Variants in NR2F1-AS1 observed in about 807,000 individuals in gnomAD.
NR2F1-AS1 encodes the protein NR2F1 antisense RNA 1.
At chr5:93,455,933 T>C (rs1442041668) in intron 4 of NR2F1-AS1, among the ~76,000 whole-genome samples, 4 of 151,404 alleles carry the variant, frequency 2.6e-5, no homozygotes, top group South Asian at 2.1e-4. Flanking sequence ...CTGAACAAAC[T>C]AGGAATATAA....
intron 4 of NR2F1-AS1, among the ~76,000 whole-genome samples, chr5:93,525,440 T>C (rs1213528163): frequency 6.6e-6 from 1 of 152,168 alleles, no homozygotes; most frequent in Non-Finnish European, 1.5e-5. Context: ...CTGTCAATAT[T>C]AGACGGATCA....
intron 4 of NR2F1-AS1, among the ~76,000 whole-genome samples, chr5:93,442,792 G>C (rs1478584691): frequency 1.3e-5 from 2 of 152,232 alleles, no homozygotes; most frequent in Non-Finnish European, 2.9e-5. Context: ...ACACCTCCCA[G>C]TAGGGGCCGA....
rs369211498 is a variant in NR2F1-AS1 at position 93,480,799 on chromosome 5, A to G, written n.638+72962T>C. ...TTAATGTATGCTGCTGAAGTTAAGAACTAGATTGCTATAAATTTAGAATAT... is the reference window on the plus strand; with the variant it reads ...TTAATGTATGCTGCTGAAGTTAAGAGCTAGATTGCTATAAATTTAGAATAT... On this transcript the variant is annotated intron_variant and non_coding_transcript_variant, in intron 4 of 5. Coordinates refer to ENST00000660523, the Ensembl canonical transcript of NR2F1-AS1. 1.0e-3 allele frequency among the ~76,000 whole-genome samples: 156 copies of G among 152,218 alleles called. 6 individuals carry two copies. In the South Asian group the frequency reaches 0.023, roughly 22 times the overall value.
chr5:93,469,532 A>T (rs1407813876), intron 4 of NR2F1-AS1, among the ~76,000 whole-genome samples: 1 of 152,124 alleles, frequency 6.6e-6, no homozygotes, highest in Non-Finnish European at 1.5e-5. Flanking sequence ...TCAGTAAACA[A>T]TCACAGTATT....
chr5:93,490,253 G>A (rs1750807635), intron 4 of NR2F1-AS1, among the ~76,000 whole-genome samples: 1 of 152,160 alleles, frequency 6.6e-6, no homozygotes. Flanking sequence ...TCCTTCTCTT[G>A]TTTTTTGAGC....
intron 4 of NR2F1-AS1, among the ~76,000 whole-genome samples, chr5:93,498,842 G>A (rs923232068): frequency 3.3e-5 from 5 of 152,104 alleles, no homozygotes; most frequent in Non-Finnish European, 7.4e-5. Flanking sequence ...TCCACAAATT[G>A]TACTTAATTT....
At chr5:93,514,818 A>G (rs544800234) in intron 4 of NR2F1-AS1, among the ~76,000 whole-genome samples, 1 of 152,158 alleles carries the variant, frequency 6.6e-6, no homozygotes, top group Non-Finnish European at 1.5e-5. Context: ...GAATATTGTT[A>G]TTTCATGAAA....
chr5:93,445,360 G>C (rs1030900750), intron 4 of NR2F1-AS1, among the ~76,000 whole-genome samples: 23 of 151,906 alleles, frequency 1.5e-4, no homozygotes, highest in Admixed American at 3.9e-4. Context: ...AATTATAAAG[G>C]GGGTATCACC....
At chr5:93,450,114 C>T (rs1042097986) in intron 4 of NR2F1-AS1, among the ~76,000 whole-genome samples, 5 of 152,064 alleles carry the variant, frequency 3.3e-5, no homozygotes, top group Admixed American at 1.3e-4. Flanking sequence ...ACTCTTTTCT[C>T]GAATTTTAAG....
At chr5:93,463,458 G>A (rs1040298061) in intron 4 of NR2F1-AS1, among the ~76,000 whole-genome samples, 20 of 152,240 alleles carry the variant, frequency 1.3e-4, no homozygotes, top group African/African-American at 4.8e-4. Context: ...GAAGGGAAAT[G>A]TGGGGTTGAA....
At chr5:93,505,735 T>C (rs1751172255) in intron 4 of NR2F1-AS1, among the ~76,000 whole-genome samples, 1 of 152,208 alleles carries the variant, frequency 6.6e-6, no homozygotes, top group African/African-American at 2.4e-5. Flanking sequence ...ACCAAGTTCC[T>C]AGGCTGCACA....
At chr5:93,454,498 C>A (rs1231813921) in intron 4 of NR2F1-AS1, among the ~76,000 whole-genome samples, 3 of 152,126 alleles carry the variant, frequency 2.0e-5, no homozygotes, top group Non-Finnish European at 4.4e-5. Context: ...AACTTTTGAT[C>A]TAATACTTGG....
chr5:93,461,857 A>G (rs1342881342), intron 4 of NR2F1-AS1, among the ~76,000 whole-genome samples: 1 of 152,166 alleles, frequency 6.6e-6, no homozygotes, highest in Admixed American at 6.5e-5. Context: ...GAGTTACTAA[A>G]CACAGTTTTT....
intron 4 of NR2F1-AS1, among the ~76,000 whole-genome samples, chr5:93,537,900 T>C (rs1360022029): frequency 6.6e-6 from 1 of 152,196 alleles, no homozygotes; most frequent in Non-Finnish European, 1.5e-5. Flanking sequence ...GTCTGGAATT[T>C]GCACATTTTA....
intron 4 of NR2F1-AS1, among the ~76,000 whole-genome samples, chr5:93,435,453 G>T (rs1048923155): frequency 2.0e-5 from 3 of 152,064 alleles, no homozygotes; most frequent in African/African-American, 7.2e-5. Flanking sequence ...AAAATAGATT[G>T]TTCCACTATA....
chr5:93,486,477 TA>T (rs1348568521), intron 4 of NR2F1-AS1, among the ~76,000 whole-genome samples: 1 of 151,920 alleles, frequency 6.6e-6, no homozygotes. Context: ...TCTACGCAAA[TA>T]AACTAGAAAA....
chr5:93,467,190 G>A (rs1275717058), intron 4 of NR2F1-AS1, among the ~76,000 whole-genome samples: 1 of 152,112 alleles, frequency 6.6e-6, no homozygotes, highest in African/African-American at 2.4e-5. Context: ...TCAATATCGT[G>A]AAAATGTCCA....
chr5:93,543,252 A>G (rs1467634336), intron 4 of NR2F1-AS1: 1 of 152,280 alleles, frequency 6.6e-6, no homozygotes, highest in Non-Finnish European at 1.5e-5. Context: ...GGGCAAAAAC[A>G]TGCATAATTA....
At chr5:93,466,077 A>G (rs997377608) in intron 4 of NR2F1-AS1, among the ~76,000 whole-genome samples, 10 of 148,764 alleles carry the variant, frequency 6.7e-5, no homozygotes, top group Admixed American at 4.7e-4. Flanking sequence ...AGTATAATTA[A>G]AAAAAAAAAG....
Sources: gnomAD v4.1 joint callset for allele counts (sites outside exome capture counted in the v4.1 genomes callset) on GRCh38, gnomAD v4.1.1 for gene constraint, MANE v1.5 for transcripts, NCBI Gene and HGNC (gene_info 2026-07-23, HGNC 2026-07-21) for gene names.